Variants in TET1 observed in about 807,000 individuals in gnomAD.
TET1 encodes methylcytosine dioxygenase TET1.
In TET1, 13 loss-of-function variants were observed where a neutral mutation model predicts 148.7. The observed-to-expected ratio is 0.09, with a 90% CI of 0.06 to 0.14. The LOEUF is 0.14. Among genes scored for constraint, TET1 ranks in the 10% least tolerant of loss-of-function variants. The pLI is 1.00. For synonymous variants in TET1, 907 were observed against 937.2 expected, an observed-to-expected ratio of 0.97 and a Z score of 0.59; for missense variants, 2,182 against 2,553.8, an observed-to-expected ratio of 0.85 and a Z score of 3.14.
intron 6 of TET1, among the ~76,000 whole-genome samples, chr10:68,656,332 G>A (rs932035034): frequency 2.6e-5 from 4 of 152,100 alleles, no homozygotes; most frequent in African/African-American, 7.2e-5. Context: ...GCTCAATCTC[G>A]GCTCACTGCA....
intron 2 of TET1, among the ~76,000 whole-genome samples, chr10:68,594,945 C>T (rs1028539339): frequency 9.5e-5 from 14 of 147,424 alleles, no homozygotes; most frequent in African/African-American, 2.3e-4. Flanking sequence ...CGCCATTGCA[C>T]TCCAGCCTGG....
At chr10:68,667,011 G>A in intron 6 of TET1, 34 bp from the exon 7 acceptor site, 2 of 1,586,726 alleles carry the variant, frequency 1.3e-6, no homozygotes, top group African/African-American at 1.3e-5. Context: ...TGGCATACTT[G>A]TCTTCCATAG....
At chr10:68,637,094 G>A (rs1478818246) in intron 3 of TET1, among the ~76,000 whole-genome samples, 1 of 151,860 alleles carries the variant, frequency 6.6e-6, no homozygotes, top group African/African-American at 2.4e-5. Context: ...CGCCTTCCGG[G>A]TTCAAGTGAT....
At chr10:68,659,015 A>G (rs2133143683) in intron 6 of TET1, among the ~76,000 whole-genome samples, 1 of 152,242 alleles carries the variant, frequency 6.6e-6, no homozygotes, top group East Asian at 1.9e-4. Flanking sequence ...ATCACTTGAG[A>G]CCAGGAGTTC....
At chr10:68,580,313 ATTTTTTTT>A (rs1163318028) in intron 2 of TET1, among the ~76,000 whole-genome samples, 6 of 60,436 alleles carry the variant, frequency 9.9e-5, no homozygotes, top group Admixed American at 5.3e-4. Context: ...ATTATATTCA[ATTTTTTTT>A]TTTTTTTTTT....
Position 68,624,157 on chromosome 10 carries a change from C to T in TET1, c.1969-20541C>T, listed in dbSNP as rs539426355. On this transcript the variant is annotated intron_variant, in intron 3 of 11. Coordinates refer to ENST00000373644, the MANE Select transcript of TET1 (RefSeq NM_030625.3). ...TGTTGCCCAGGCTGGAGTGCAGTGT[C>T]GCAATCTCGGCCCACTGAAACTTCC... is the stretch of plus-strand genomic sequence containing the variant. Among the ~76,000 whole-genome samples the T allele has an allele frequency of 1.9e-4, 29 of 149,074 alleles. No homozygotes were observed. In the South Asian group the frequency reaches 5.7e-3, roughly 29 times the overall value.
chr10:68,561,599 G>A (rs2053553962), intron 1 of TET1, among the ~76,000 whole-genome samples: 1 of 152,104 alleles, frequency 6.6e-6, no homozygotes, highest in Admixed American at 6.6e-5. Flanking sequence ...CGTGCAGCAC[G>A]TGAGGGGCCT....
intron 6 of TET1, among the ~76,000 whole-genome samples, chr10:68,663,757 T>C (rs953673828): frequency 2.6e-5 from 4 of 152,194 alleles, no homozygotes; most frequent in African/African-American, 7.2e-5. Context: ...ATACCTTTAG[T>C]GTTCTCCTGG....
chr10:68,689,172 A>G (rs33949177), intron 11 of TET1, among the ~76,000 whole-genome samples: 16,215 of 152,162 alleles, frequency 0.11, 1,016 homozygotes, highest in South Asian at 0.17. Context: ...ACTGATAACA[A>G]TAGAGGTTTC....
At chr10:68,668,583 G>A (rs2055225848) in intron 7 of TET1, among the ~76,000 whole-genome samples, 3 of 152,298 alleles carry the variant, frequency 2.0e-5, no homozygotes, top group Middle Eastern at 6.8e-3. Flanking sequence ...TGTTGTTCTT[G>A]TTGTTTTGTT....
At chr10:68,565,464 T>TAA (rs199760806) in intron 1 of TET1, among the ~76,000 whole-genome samples, 4,970 of 107,868 alleles carry the variant, frequency 0.046, 134 homozygotes, top group South Asian at 0.079. Context: ...AGACCCTGTT[T>TAA]AAAAAAAAAA....
intron 2 of TET1, among the ~76,000 whole-genome samples, chr10:68,595,612 C>CTTTTTTTTTGTTT (rs2053968801): frequency 1.3e-5 from 1 of 76,516 alleles, no homozygotes; most frequent in African/African-American, 5.1e-5. Context: ...CACACAGCTT[C>CTTTTTTTTTGTTT]TTTTTTTTTT....
chr10:68,570,166 G>A (rs1005444282), intron 1 of TET1, among the ~76,000 whole-genome samples: 1 of 151,522 alleles, frequency 6.6e-6, no homozygotes, highest in African/African-American at 2.4e-5. Context: ...GTGCCATGGT[G>A]CAATCTCAGC....
chr10:68,639,553 G>A (rs536271249), intron 3 of TET1, among the ~76,000 whole-genome samples: 35 of 151,444 alleles, frequency 2.3e-4, no homozygotes, highest in Admixed American at 2.0e-3. Context: ...ACTGGAACCT[G>A]TGCCTCCCAG....
Position 68,666,104 on chromosome 10 carries a change from G to A in TET1, c.4462-941G>A, listed in dbSNP as rs1410628426. ...AAATGGTTGGATGGTTTTATGTGGTGACAACATTTGTATAGAATTTTTTTT... is the reference window on the plus strand; with the variant it reads ...AAATGGTTGGATGGTTTTATGTGGTAACAACATTTGTATAGAATTTTTTTT... On this transcript the variant is annotated intron_variant, in intron 6 of 11. Coordinates refer to ENST00000373644, the MANE Select transcript of TET1 (RefSeq NM_030625.3). Among the ~76,000 whole-genome samples the A allele has an allele frequency of 2.0e-5, 3 of 149,614 alleles. No individual in the cohort carries two copies. The East Asian group carries it at 5.8e-4, about 29-fold the overall frequency.
At chr10:68,616,452 C>T (rs181072085) in intron 3 of TET1, among the ~76,000 whole-genome samples, 1 of 152,288 alleles carries the variant, frequency 6.6e-6, no homozygotes, top group Admixed American at 6.5e-5. Flanking sequence ...AATTTGTGAC[C>T]TTAACAGATC....
intron 3 of TET1, among the ~76,000 whole-genome samples, chr10:68,630,585 G>T (rs764474697): frequency 6.6e-6 from 1 of 152,216 alleles, no homozygotes; most frequent in African/African-American, 2.4e-5. Flanking sequence ...AAAGCGCTGG[G>T]ATTACAGGCA....
chr10:68,633,442 G>A (rs1479581259), intron 3 of TET1, among the ~76,000 whole-genome samples: 1 of 151,812 alleles, frequency 6.6e-6, no homozygotes. Flanking sequence ...GTACAGTGGT[G>A]TGACCACGGT....
intron 6 of TET1, among the ~76,000 whole-genome samples, chr10:68,654,413 C>T (rs567477741): frequency 1.3e-5 from 2 of 152,010 alleles, no homozygotes; most frequent in African/African-American, 4.8e-5. Flanking sequence ...GTCAGGAGAT[C>T]GAGCCTATCC....
Sources: allele counts gnomAD v4.1 joint callset (sites outside exome capture counted in the v4.1 genomes callset), GRCh38; gene constraint gnomAD v4.1.1; transcripts MANE v1.5; gene names NCBI Gene and HGNC (gene_info 2026-07-23, HGNC 2026-07-21).